The following SUCLA2 variants were observed in gnomAD, a reference collection of about 807,000 sequenced individuals.
SUCLA2 encodes the protein succinate--CoA ligase [ADP-forming] subunit beta, mitochondrial.
In SUCLA2, 30 loss-of-function variants were observed where a neutral mutation model predicts 54.8. The observed-to-expected ratio is 0.55, with a 90% CI of 0.41 to 0.74. The LOEUF (loss-of-function observed/expected upper bound fraction) is 0.74. Among genes scored for constraint, SUCLA2 ranks in the 30% least tolerant of loss-of-function variants. The pLI is 0.00. For missense variants in SUCLA2, 476 were observed against 562.9 expected (o/e 0.85, Z 1.56); for synonymous variants, 172 against 188.9 (o/e 0.91, Z 0.74).
chr13:47,962,287 CTG>C (rs1949876946), intron 6 of SUCLA2, among the ~76,000 whole-genome samples: 1 of 152,152 alleles, frequency 6.6e-6, no homozygotes, highest in Non-Finnish European at 1.5e-5. Flanking sequence ...AATTTGGAAA[CTG>C]TGAATATTCT....
chr13:47,995,333 CA>C (rs1441012931), intron 2 of SUCLA2, among the ~76,000 whole-genome samples: 1 of 151,918 alleles, frequency 6.6e-6, no homozygotes, highest in Non-Finnish European at 1.5e-5. Flanking sequence ...AATTTCACCA[CA>C]ATTAGTATGA....
At chr13:47,962,502 T>C (rs769405833) in intron 6 of SUCLA2, among the ~76,000 whole-genome samples, 14 of 152,214 alleles carry the variant, frequency 9.2e-5, no homozygotes, top group Non-Finnish European at 1.9e-4. Flanking sequence ...GCCAAGTATA[T>C]GGGACTGAAG....
At position 47,978,713 on chromosome 13, in the gene SUCLA2, T is replaced by C. The variant is rs61972254; in HGVS notation, c.535-5321A>G. ...AGCTTCTGGACAGCAAAAGAAACTATCAGCAGAGTGAACAGGCAACCTACA... is the reference window on the plus strand; with the variant it reads ...AGCTTCTGGACAGCAAAAGAAACTACCAGCAGAGTGAACAGGCAACCTACA... On this transcript the variant is annotated intron_variant, in intron 4 of 10. Coordinates refer to ENST00000646932, the MANE Select transcript of SUCLA2 (RefSeq NM_003850.3). 6.8e-3 allele frequency among the ~76,000 whole-genome samples: 1,034 copies of C among 152,158 alleles called. 6 individuals carry two copies. The highest frequency in any genetic ancestry group is 0.011 in the Non-Finnish European group (736 of 68,012).
chr13:47,943,394 C>T lies in SUCLA2; in HGVS notation c.1369G>A (p.Val457Met). 1 of 1,613,900 alleles carries T rather than the reference C, an allele frequency of 6.2e-7. No homozygotes were observed. The highest frequency in any genetic ancestry group is 8.5e-7 in the Non-Finnish European group (1 of 1,179,854). The change falls in exon 11 of 11, where the codon GTG (valine) becomes ATG (methionine). Residue 457 changes from valine to methionine, a missense_variant. This residue lies in a region of SUCLA2 where 342 missense variants were observed against 444.2 expected (regional missense o/e 0.77). Transcript: ENST00000646932. ...VTLAKQAHVD[V>M]KFQLPI ...GATCATATTGGCAACTGAAATTTCA[C>T]ATCCACATGTGCTTGCTTCGCTAAG...
At chr13:47,952,972 C>G (rs986203327) in intron 8 of SUCLA2, among the ~76,000 whole-genome samples, 3 of 152,092 alleles carry the variant, frequency 2.0e-5, no homozygotes, top group Non-Finnish European at 4.4e-5. Context: ...GTGAAGGCCA[C>G]CCTGATTCTC....
intron 6 of SUCLA2, among the ~76,000 whole-genome samples, chr13:47,964,630 G>A (rs1237431268): frequency 6.6e-6 from 1 of 152,186 alleles, no homozygotes; most frequent in Non-Finnish European, 1.5e-5. Context: ...GGCCAAGGCG[G>A]GCGGATCACA....
chr13:47,943,736 GTGTA>G lies in SUCLA2; in HGVS notation c.1318-295_1318-292del, dbSNP rs199594035. 3.7e-5 allele frequency among the ~76,000 whole-genome samples: 5 copies of G among 135,232 alleles called. No individual in the cohort carries two copies. The South Asian group carries it at 1.0e-3, about 28-fold the overall frequency. The allele number at this position is 135,232 out of a possible 152,430, so 88.7% of individuals were successfully genotyped here. On this transcript the variant is annotated intron_variant, in intron 10 of 10. Transcript: ENST00000646932. Reference sequence around the variant, plus strand: ...TTATATATGTGTGTATAAAATGTGTGTGTATGTATGTGTGTGTGTGTGTGTGTGT... The same window carrying G: ...TTATATATGTGTGTATAAAATGTGTGTGTATGTGTGTGTGTGTGTGTGTGT...
chr13:47,987,083 C>T (rs1001680602), intron 4 of SUCLA2, among the ~76,000 whole-genome samples: 2 of 152,144 alleles, frequency 1.3e-5, no homozygotes, highest in African/African-American at 4.8e-5. Flanking sequence ...GAATTATAAC[C>T]ACGTATTATT....
At chr13:47,992,092 C>T (rs113217868) in intron 2 of SUCLA2, among the ~76,000 whole-genome samples, 4 of 152,092 alleles carry the variant, frequency 2.6e-5, no homozygotes, top group African/African-American at 9.6e-5. Context: ...TGTTTATATC[C>T]GAAGAAGAGA....
At chr13:47,976,934 A>G (rs1331610915) in intron 4 of SUCLA2, among the ~76,000 whole-genome samples, 3 of 152,144 alleles carry the variant, frequency 2.0e-5, no homozygotes. Context: ...AAGAATAACT[A>G]AACCCAAAGT....
intron 6 of SUCLA2, among the ~76,000 whole-genome samples, chr13:47,959,552 A>G (rs938294211): frequency 6.7e-6 from 1 of 149,482 alleles, no homozygotes; most frequent in Non-Finnish European, 1.5e-5. Flanking sequence ...GACTGATCGG[A>G]AAGCCCAGGA....
chr13:47,997,133 T>C (rs1593505868), intron 1 of SUCLA2, 110 bp from the exon 2 acceptor site: 4 of 1,150,178 alleles, frequency 3.5e-6, no homozygotes, highest in Non-Finnish European at 5.1e-6. Context: ...ATTAGCAAAG[T>C]ACAATATTCA....
intron 1 of SUCLA2, among the ~76,000 whole-genome samples, chr13:48,000,027 C>T (rs1397331113): frequency 6.6e-6 from 1 of 151,552 alleles, no homozygotes; most frequent in Non-Finnish European, 1.5e-5. Flanking sequence ...TAGCACTCTT[C>T]TAAGATTCAT....
chr13:47,991,126 C>G (rs373919541), intron 2 of SUCLA2, among the ~76,000 whole-genome samples: 1 of 152,196 alleles, frequency 6.6e-6, no homozygotes, highest in African/African-American at 2.4e-5. Flanking sequence ...CCTTTGTCCC[C>G]CACAGAATAT....
At chr13:48,000,823 C>A (rs1950224184) in intron 1 of SUCLA2, 16 of 1,090,284 alleles carry the variant, frequency 1.5e-5, no homozygotes, top group Non-Finnish European at 1.8e-5. Flanking sequence ...CAAAAAGGGG[C>A]GGCGCAAGTC....
chr13:47,959,676 A>G (rs563145115), intron 6 of SUCLA2, among the ~76,000 whole-genome samples: 2 of 152,342 alleles, frequency 1.3e-5, no homozygotes, highest in East Asian at 3.9e-4. Context: ...TGTATAGTCT[A>G]TCTTCATGCA....
chr13:47,964,730 A>G (rs1029294490), intron 6 of SUCLA2, among the ~76,000 whole-genome samples: 11 of 151,900 alleles, frequency 7.2e-5, no homozygotes, highest in South Asian at 2.1e-4. Context: ...GGTGGCGGGC[A>G]CCTGTAGTCC....
chr13:47,994,874 C>G (rs960901854), intron 2 of SUCLA2: 11 of 985,024 alleles, frequency 1.1e-5, no homozygotes, highest in Non-Finnish European at 1.2e-5. Context: ...TTATCCTGCA[C>G]ATATTATTTC....
chr13:47,943,766 G>GTATATATATATATATATATA lies in SUCLA2; in HGVS notation c.1318-322_1318-321insTATATATATATATATATATA, dbSNP rs1555255588. ...TGTATGTGTGTGTGTGTGTGTGTGT[G>GTATATATATATATATATATA]TATATATATATATATTATTCTAAAT... On this transcript the variant is annotated intron_variant, in intron 10 of 10. Transcript: ENST00000646932. Among the ~76,000 whole-genome samples, 138 of 139,634 alleles carry GTATATATATATATATATATA rather than the reference G, an allele frequency of 9.9e-4. 1 individual carries two copies. Among genetic ancestry groups the GTATATATATATATATATATA allele is most frequent in the African/African-American group, 3.3e-3 (124 of 37,244 alleles). 91.6% of individuals were successfully genotyped at this position (139,634 alleles called of 152,430 possible). A position where few individuals can be genotyped will look rare whatever the true frequency, so the allele number is the denominator to read the frequency against.
Sources: gnomAD v4.1 joint callset for allele counts (sites outside exome capture counted in the v4.1 genomes callset) on GRCh38, gnomAD v4.1.1 for gene constraint, gnomAD v4.1.1 regional missense constraint, MANE v1.5 for transcripts, NCBI Gene and HGNC (gene_info 2026-07-23, HGNC 2026-07-21) for gene names.